Variants in ST6GALNAC3 observed in about 807,000 individuals in gnomAD.
The protein encoded by ST6GALNAC3 is ST6 N-acetylgalactosaminide alpha-2,6-sialyltransferase 3.
ST6GALNAC3 carries 25 observed loss-of-function variants against 32.7 expected under a neutral mutation model. The ratio of observed to expected loss-of-function variants is 0.76; its 90% confidence interval spans 0.56 to 1.07. The LOEUF is 1.07. Ranked by LOEUF, ST6GALNAC3 falls within the 50% of genes least tolerant of loss-of-function variation. The probability of loss-of-function intolerance (pLI) is 0.00; values close to 1 mark genes in which losing one functional copy is unlikely to be tolerated. For synonymous variants in ST6GALNAC3, 129 were observed against 133.1 expected, an observed-to-expected ratio of 0.97 and a Z score of 0.21; for missense variants, 355 against 382.4, an observed-to-expected ratio of 0.93 and a Z score of 0.60.
chr1:76,475,572 G>A (rs1189806852), intron 3 of ST6GALNAC3, among the ~76,000 whole-genome samples: 1 of 152,084 alleles, frequency 6.6e-6, no homozygotes, highest in Non-Finnish European at 1.5e-5. Flanking sequence ...TTTAGTCAAG[G>A]ATTAAAATGT....
intron 1 of ST6GALNAC3, among the ~76,000 whole-genome samples, chr1:76,230,917 A>C (rs1656327110): frequency 6.6e-6 from 1 of 152,238 alleles, no homozygotes; most frequent in Non-Finnish European, 1.5e-5. Flanking sequence ...TCACAGTAAT[A>C]ATCCTTTCAT....
chr1:76,149,680 TGTG>T (rs1650919012), intron 1 of ST6GALNAC3, among the ~76,000 whole-genome samples: 1 of 152,238 alleles, frequency 6.6e-6, no homozygotes, highest in African/African-American at 2.4e-5. Context: ...ATTGTTCCAT[TGTG>T]TATTTTTATC....
chr1:76,354,895 G>T lies in ST6GALNAC3; in HGVS notation c.213+40896G>T, dbSNP rs80054832. 8.3e-3 allele frequency among the ~76,000 whole-genome samples: 1,263 copies of T among 152,246 alleles called. 23 individuals are homozygous for T. Among genetic ancestry groups the T allele is most frequent in the African/African-American group, 0.029 (1,187 of 41,546 alleles). On this transcript the variant is annotated intron_variant, in intron 2 of 4. Transcript: ENST00000328299. ...AAGTAAAGCAAAATGAAACTAGACT[G>T]TTTTGGTAAGCTTTTATTGAAATAA...
intron 1 of ST6GALNAC3, among the ~76,000 whole-genome samples, chr1:76,311,625 G>C (rs1470059343): frequency 6.6e-6 from 1 of 152,176 alleles, no homozygotes; most frequent in Middle Eastern, 3.4e-3. Context: ...CTTTTTTATG[G>C]CTGTGTAGTA....
intron 1 of ST6GALNAC3, among the ~76,000 whole-genome samples, chr1:76,218,445 A>G (rs1220480796): frequency 1.3e-5 from 2 of 152,222 alleles, no homozygotes; most frequent in Non-Finnish European, 2.9e-5. Context: ...ACCTTCCATC[A>G]GATAGATTCT....
chr1:76,604,959 G>A (rs1482918667), intron 3 of ST6GALNAC3, among the ~76,000 whole-genome samples: 6 of 151,918 alleles, frequency 3.9e-5, no homozygotes, highest in Non-Finnish European at 8.8e-5. Context: ...TGTCTTAATT[G>A]GGTCATTCTG....
chr1:76,587,918 G>C (rs1015674546), intron 3 of ST6GALNAC3, among the ~76,000 whole-genome samples: 1 of 152,156 alleles, frequency 6.6e-6, no homozygotes, highest in African/African-American at 2.4e-5. Flanking sequence ...CATCGGTTAG[G>C]ATCCACCAGG....
chr1:76,256,943 T>C (rs992333619), intron 1 of ST6GALNAC3, among the ~76,000 whole-genome samples: 5 of 152,192 alleles, frequency 3.3e-5, no homozygotes, highest in African/African-American at 1.2e-4. Context: ...AAGAAACTTA[T>C]AAAACCAGAT....
chr1:76,267,057 C>T (rs1158906948), intron 1 of ST6GALNAC3, among the ~76,000 whole-genome samples: 1 of 152,214 alleles, frequency 6.6e-6, no homozygotes, highest in East Asian at 1.9e-4. Flanking sequence ...CAACCTTGGC[C>T]AAGTGCCCAC....
chr1:76,194,569 A>T (rs1654089698), intron 1 of ST6GALNAC3, among the ~76,000 whole-genome samples: 2 of 152,192 alleles, frequency 1.3e-5, no homozygotes, highest in Non-Finnish European at 1.5e-5. Context: ...AAAAAATTTA[A>T]GACATTTAAG....
chr1:76,174,876 C>T (rs1008467411), intron 1 of ST6GALNAC3, among the ~76,000 whole-genome samples: 4 of 151,972 alleles, frequency 2.6e-5, no homozygotes, highest in Non-Finnish European at 5.9e-5. Context: ...CCATGTTGGC[C>T]AGGCTAGTCT....
intron 2 of ST6GALNAC3, among the ~76,000 whole-genome samples, chr1:76,408,737 A>T (rs1166705534): frequency 7.8e-6 from 1 of 127,546 alleles, no homozygotes; most frequent in Non-Finnish European, 1.7e-5. Flanking sequence ...CATTTTATAG[A>T]TTTGAACATA....
At chr1:76,155,443 A>C (rs984106859) in intron 1 of ST6GALNAC3, among the ~76,000 whole-genome samples, 1 of 152,096 alleles carries the variant, frequency 6.6e-6, no homozygotes, top group South Asian at 2.1e-4. Context: ...ATATAGCAAG[A>C]GTTCCCCCAC....
chr1:76,264,531 G>A (rs1385240285), intron 1 of ST6GALNAC3, among the ~76,000 whole-genome samples: 3 of 152,084 alleles, frequency 2.0e-5, no homozygotes, highest in Non-Finnish European at 4.4e-5. Context: ...CTCTTTCTGT[G>A]AGGTGCTCGG....
At chr1:76,618,202 T>C (rs183125148) in intron 3 of ST6GALNAC3, among the ~76,000 whole-genome samples, 1 of 152,330 alleles carries the variant, frequency 6.6e-6, no homozygotes, top group East Asian at 1.9e-4. Flanking sequence ...AGAAGTGATA[T>C]GTTCATAATT....
intron 3 of ST6GALNAC3, among the ~76,000 whole-genome samples, chr1:76,420,539 G>C (rs926096298): frequency 6.6e-6 from 1 of 152,004 alleles, no homozygotes; most frequent in Non-Finnish European, 1.5e-5. Flanking sequence ...ATCTAGCATA[G>C]CGGTGGTTAG....
intron 3 of ST6GALNAC3, among the ~76,000 whole-genome samples, chr1:76,546,813 T>G (rs1664326066): frequency 6.6e-6 from 1 of 152,190 alleles, no homozygotes; most frequent in Non-Finnish European, 1.5e-5. Flanking sequence ...AGTTCCTCTG[T>G]GGACAGTTGT....
At chr1:76,579,636 A>G (rs759086728) in intron 3 of ST6GALNAC3, among the ~76,000 whole-genome samples, 6 of 151,894 alleles carry the variant, frequency 4.0e-5, no homozygotes, top group Non-Finnish European at 8.8e-5. Context: ...TTCTTCTTGC[A>G]GTTCATTTGT....
At chr1:76,533,095 T>G (rs538999323) in intron 3 of ST6GALNAC3, among the ~76,000 whole-genome samples, 9 of 152,218 alleles carry the variant, frequency 5.9e-5, no homozygotes, top group Admixed American at 5.9e-4. Context: ...CGAGTTCTTG[T>G]CTTTGGAGAC....
Sources: allele counts gnomAD v4.1 joint callset (sites outside exome capture counted in the v4.1 genomes callset), GRCh38; gene constraint gnomAD v4.1.1; transcripts MANE v1.5; gene names NCBI Gene and HGNC (gene_info 2026-07-23, HGNC 2026-07-21).